RCAN2: variants seen among roughly 807,000 people sequenced by gnomAD.
RCAN2 encodes the protein regulator of calcineurin 2.
RCAN2 carries 9 observed loss-of-function variants against 23.6 expected under a neutral mutation model. That is an observed-to-expected ratio of 0.38 (90% confidence interval 0.23 to 0.67). The LOEUF is 0.67. RCAN2 is among the 30% of genes least tolerant of loss of function. RCAN2 has a pLI of 0.51. For synonymous variants in RCAN2, 109 were observed against 115.7 expected (o/e 0.94, Z 0.37); for missense variants, 273 against 302.3 (o/e 0.90, Z 0.72).
chr6:46,223,469 C>T (rs1765548802), intron 4 of RCAN2, among the ~76,000 whole-genome samples, 168 bp from the exon 5 acceptor site: 1 of 152,042 alleles, frequency 6.6e-6, no homozygotes. Context: ...GATCAATTTC[C>T]TCCTATCCTG....
At chr6:46,297,395 T>TACC in intron 2 of RCAN2, among the ~76,000 whole-genome samples, 1 of 152,210 alleles carries the variant, frequency 6.6e-6, no homozygotes, top group African/African-American at 2.4e-5. Context: ...AAGGGTCCTA[T>TACC]ACCACCAAGC....
chr6:46,304,629 C>T (rs372202184), intron 2 of RCAN2, among the ~76,000 whole-genome samples: 44 of 151,898 alleles, frequency 2.9e-4, no homozygotes, highest in East Asian at 2.1e-3. Flanking sequence ...GTGGAGGGGT[C>T]GGAATAAAAG....
chr6:46,449,392 T>C lies in RCAN2; in HGVS notation c.225+7360A>G, dbSNP rs569830334. 1.8e-3 allele frequency among the ~76,000 whole-genome samples: 267 copies of C among 151,522 alleles called. 6 individuals are homozygous for C. The highest frequency in any genetic ancestry group is 2.2e-3 in the Non-Finnish European group (150 of 67,606). On this transcript the variant is annotated intron_variant, in intron 2 of 4. Transcript: ENST00000371374. ...AAGAATTAGTATTAATATTAAATATTAACATTTAATATTATTAAAATGTTC... is the reference window on the plus strand; with the variant it reads ...AAGAATTAGTATTAATATTAAATATCAACATTTAATATTATTAAAATGTTC...
At chr6:46,418,711 A>G (rs989611658) in intron 2 of RCAN2, among the ~76,000 whole-genome samples, 17 of 136,268 alleles carry the variant, frequency 1.2e-4, no homozygotes, top group African/African-American at 2.5e-4. Flanking sequence ...ATATATATAT[A>G]TATATATATA....
At chr6:46,229,711 C>T (rs1277175005) in intron 4 of RCAN2, among the ~76,000 whole-genome samples, 3 of 152,098 alleles carry the variant, frequency 2.0e-5, no homozygotes, top group Non-Finnish European at 2.9e-5. Flanking sequence ...GTGATGGGTT[C>T]GAACTTCCTC....
intron 2 of RCAN2, among the ~76,000 whole-genome samples, chr6:46,406,600 C>G (rs1019540724): frequency 6.6e-6 from 1 of 152,228 alleles, no homozygotes; most frequent in Non-Finnish European, 1.5e-5. Context: ...ATGTTTCTGT[C>G]AGCTCTCTTT....
At chr6:46,457,039 G>C (rs151150943) in intron 1 of RCAN2, 61 bp from the exon 2 acceptor site, 11 of 1,223,746 alleles carry the variant, frequency 9.0e-6, no homozygotes, top group Admixed American at 2.0e-5. Context: ...CTCAGTTTTC[G>C]GGTCACAGTT....
At chr6:46,410,932 G>C (rs1157871459) in intron 2 of RCAN2, among the ~76,000 whole-genome samples, 1 of 152,196 alleles carries the variant, frequency 6.6e-6, no homozygotes, top group Non-Finnish European at 1.5e-5. Flanking sequence ...GGGCAGCAGG[G>C]AAAGAACAGG....
At chr6:46,317,528 C>T (rs533162158) in intron 2 of RCAN2, among the ~76,000 whole-genome samples, 62 of 152,266 alleles carry the variant, frequency 4.1e-4, no homozygotes, top group African/African-American at 1.2e-3. Flanking sequence ...GTGGCATGAT[C>T]TCGGCTCACT....
chr6:46,477,801 A>G (rs1768755975), intron 1 of RCAN2, among the ~76,000 whole-genome samples: 1 of 152,284 alleles, frequency 6.6e-6, no homozygotes, highest in South Asian at 2.1e-4. Flanking sequence ...CTAGGGTGGA[A>G]GTACCCTGGC....
intron 1 of RCAN2, among the ~76,000 whole-genome samples, chr6:46,487,531 T>C (rs1340093296): frequency 6.6e-6 from 1 of 152,224 alleles, no homozygotes; most frequent in Non-Finnish European, 1.5e-5. Flanking sequence ...GACGGACTTG[T>C]ATGTGGTGCC....
chr6:46,275,372 C>T (rs991788939), intron 2 of RCAN2, among the ~76,000 whole-genome samples: 2 of 152,110 alleles, frequency 1.3e-5, no homozygotes, highest in Non-Finnish European at 2.9e-5. Context: ...GAGCCAATTG[C>T]CTTTGAAGTC....
At chr6:46,446,301 T>A (rs779261752) in intron 2 of RCAN2, among the ~76,000 whole-genome samples, 1 of 95,376 alleles carries the variant, frequency 1.0e-5, no homozygotes, top group Non-Finnish European at 2.3e-5. Context: ...AGGGTGTGTG[T>A]GTGGGTGGGG....
At chr6:46,315,676 G>A (rs112556125) in intron 2 of RCAN2, among the ~76,000 whole-genome samples, 13 of 152,094 alleles carry the variant, frequency 8.5e-5, no homozygotes, top group Non-Finnish European at 1.3e-4. Context: ...TAGGAGCCAC[G>A]GAGTCTCTAA....
chr6:46,406,051 T>C (rs1159927787), intron 2 of RCAN2, among the ~76,000 whole-genome samples: 1 of 152,218 alleles, frequency 6.6e-6, no homozygotes, highest in East Asian at 1.9e-4. Context: ...GCCGGCCGGC[T>C]GCTCCGAATG....
intron 2 of RCAN2, among the ~76,000 whole-genome samples, chr6:46,269,806 C>T (rs1767465947): frequency 6.6e-6 from 1 of 152,110 alleles, no homozygotes; most frequent in Non-Finnish European, 1.5e-5. Context: ...TCAATGCAGT[C>T]CCAACAAAGG....
At chr6:46,445,277 G>T (rs1393831562) in intron 2 of RCAN2, among the ~76,000 whole-genome samples, 1 of 152,076 alleles carries the variant, frequency 6.6e-6, no homozygotes, top group Non-Finnish European at 1.5e-5. Context: ...GTTTATCCCA[G>T]TAGATCCAGG....
intron 2 of RCAN2, among the ~76,000 whole-genome samples, chr6:46,346,262 T>G (rs1304001452): frequency 6.6e-6 from 1 of 152,050 alleles, no homozygotes; most frequent in African/African-American, 2.4e-5. Flanking sequence ...TAGCTTCAAA[T>G]CTCTATAGTG....
chr6:46,409,771 AG>A (rs1766497517), intron 2 of RCAN2, among the ~76,000 whole-genome samples: 1 of 152,164 alleles, frequency 6.6e-6, no homozygotes, highest in Admixed American at 6.5e-5. Context: ...TTGATATATG[AG>A]TTTGATATGA....
Sources: allele counts gnomAD v4.1 joint callset (sites outside exome capture counted in the v4.1 genomes callset), GRCh38; gene constraint gnomAD v4.1.1; transcripts MANE v1.5; gene names NCBI Gene and HGNC (gene_info 2026-07-23, HGNC 2026-07-21).